Variants in LARP4B observed in about 807,000 individuals in gnomAD.
LARP4B encodes la-related protein 4B.
A neutral mutation model predicts 89.8 loss-of-function variants in LARP4B; 12 were observed. That is an observed-to-expected ratio of 0.13 (90% CI 0.09 to 0.22). The LOEUF is 0.22. LARP4B is among the 10% of genes least tolerant of loss of function. The pLI, the probability that LARP4B is intolerant of heterozygous loss-of-function variation, is 1.00. For synonymous variants in LARP4B, 367 were observed against 363.3 expected (o/e 1.01, Z -0.12); for missense variants, 757 against 947.7 (o/e 0.80, Z 2.64).
At chr10:826,678 A>G (rs1388532678) in intron 11 of LARP4B, among the ~76,000 whole-genome samples, 3 of 152,242 alleles carry the variant, frequency 2.0e-5, no homozygotes, top group Non-Finnish European at 4.4e-5. Context: ...TACGTTCTGC[A>G]TCACTGATAT....
the LARP4B span, among the ~76,000 whole-genome samples, chr10:945,019 T>C: frequency 1.3e-5 from 2 of 152,204 alleles, no homozygotes; most frequent in South Asian, 4.1e-4. Context: ...TTTTACGTAT[T>C]ACAAAAAATA....
the LARP4B span, among the ~76,000 whole-genome samples, chr10:938,722 A>G: frequency 6.6e-6 from 1 of 152,222 alleles, no homozygotes; most frequent in East Asian, 1.9e-4. Context: ...ATGTCTATAT[A>G]TACATCTCTC....
chr10:844,025 T>C (rs1050282534), intron 6 of LARP4B, among the ~76,000 whole-genome samples: 1 of 152,226 alleles, frequency 6.6e-6, no homozygotes, highest in East Asian at 1.9e-4. Flanking sequence ...AACAAGGCCC[T>C]AAGAAACATT....
intron 1 of LARP4B, among the ~76,000 whole-genome samples, chr10:903,780 A>T (rs543969833): frequency 2.3e-4 from 35 of 152,326 alleles, no homozygotes; most frequent in African/African-American, 7.7e-4. Flanking sequence ...TACAGTTTTC[A>T]ATTGAAAATA....
At chr10:941,118 G>A in the LARP4B span, among the ~76,000 whole-genome samples, 1 of 152,180 alleles carries the variant, frequency 6.6e-6, no homozygotes, top group African/African-American at 2.4e-5. Flanking sequence ...TGAGGCAGGT[G>A]CTTGGAGGAG....
chr10:905,669 CTGAGGAGCAA>C (rs1195047908), intron 1 of LARP4B, among the ~76,000 whole-genome samples: 5 of 21,944 alleles, frequency 2.3e-4, no homozygotes, highest in Admixed American at 1.5e-3. Flanking sequence ...AGGGGAGGAG[CTGAGGAGCAA>C]GGGAGGAGCT....
intron 3 of LARP4B, among the ~76,000 whole-genome samples, chr10:875,215 G>A (rs570833909): frequency 6.6e-6 from 1 of 152,270 alleles, no homozygotes; most frequent in African/African-American, 2.4e-5. Flanking sequence ...TTGAGTCTCA[G>A]CTCCATTTTT....
intron 1 of LARP4B, among the ~76,000 whole-genome samples, chr10:887,413 T>TAA (rs970983160): frequency 7.2e-6 from 1 of 138,320 alleles, no homozygotes; most frequent in Non-Finnish European, 1.6e-5. Flanking sequence ...TATACACAAT[T>TAA]AAAAAAAAAA....
intron 1 of LARP4B, among the ~76,000 whole-genome samples, chr10:922,741 T>C (rs1032507646): frequency 6.6e-6 from 1 of 151,990 alleles, no homozygotes; most frequent in African/African-American, 2.4e-5. Flanking sequence ...GAGGTATGGA[T>C]ATTAACCACA....
intron 1 of LARP4B, among the ~76,000 whole-genome samples, chr10:926,819 T>C (rs778864879): frequency 1.3e-5 from 2 of 152,190 alleles, no homozygotes; most frequent in Non-Finnish European, 2.9e-5. Context: ...GATGGGTCAC[T>C]TGAGGTCAGA....
chr10:938,176 G>A, the LARP4B span, among the ~76,000 whole-genome samples: 18 of 151,864 alleles, frequency 1.2e-4, no homozygotes, highest in East Asian at 1.2e-3. Context: ...GAGCCACTAC[G>A]GCCAGTTTGG....
intron 3 of LARP4B, among the ~76,000 whole-genome samples, chr10:882,838 A>C (rs1409399186): frequency 6.6e-6 from 1 of 152,166 alleles, no homozygotes; most frequent in Non-Finnish European, 1.5e-5. Context: ...ACTCTGACAG[A>C]ATGGCTAAAC....
upstream of LARP4B, among the ~76,000 whole-genome samples, chr10:934,563 T>C (rs901194446): frequency 1.3e-5 from 2 of 152,164 alleles, no homozygotes; most frequent in African/African-American, 4.8e-5. Flanking sequence ...TGTAATCCTT[T>C]CCAACAATCA....
chr10:977,374 G>A, the LARP4B span, among the ~76,000 whole-genome samples: 53 of 151,946 alleles, frequency 3.5e-4, no homozygotes, highest in Non-Finnish European at 7.4e-4. Flanking sequence ...TGAACTCCTG[G>A]GCTGAAGAGA....
chr10:843,575 T>C (rs1833634006), intron 6 of LARP4B, among the ~76,000 whole-genome samples: 1 of 152,106 alleles, frequency 6.6e-6, no homozygotes, highest in Non-Finnish European at 1.5e-5. Flanking sequence ...GGCGGGCACC[T>C]GTAATCCCAG....
intron 8 of LARP4B, among the ~76,000 whole-genome samples, chr10:834,544 C>A (rs1833092801): frequency 6.6e-6 from 1 of 152,142 alleles, no homozygotes; most frequent in Non-Finnish European, 1.5e-5. Context: ...TATACAGAGT[C>A]CTTGGGAACT....
chr10:898,144 G>T (rs995824069), intron 1 of LARP4B, among the ~76,000 whole-genome samples: 5 of 152,030 alleles, frequency 3.3e-5, no homozygotes, highest in Non-Finnish European at 7.4e-5. Context: ...ACTTTGAAAT[G>T]AAATTAAATA....
the LARP4B span, among the ~76,000 whole-genome samples, chr10:975,389 A>T: frequency 6.6e-6 from 1 of 152,198 alleles, no homozygotes; most frequent in Non-Finnish European, 1.5e-5. Context: ...GAGCTCAGTA[A>T]GCGTCTGTTG....
chr10:917,670 G>A (rs1836859683), intron 1 of LARP4B, among the ~76,000 whole-genome samples: 1 of 152,192 alleles, frequency 6.6e-6, no homozygotes, highest in Non-Finnish European at 1.5e-5. Context: ...GCGACCTCAA[G>A]AAGAGAGGAA....
Sources: gnomAD v4.1 joint callset for allele counts (sites outside exome capture counted in the v4.1 genomes callset) on GRCh38, gnomAD v4.1.1 for gene constraint, MANE v1.5 for transcripts, NCBI Gene and HGNC (gene_info 2026-07-23, HGNC 2026-07-21) for gene names.